The following MMP9 variants were observed in gnomAD, a reference collection of about 807,000 sequenced individuals.
MMP9 encodes matrix metalloproteinase-9.
In MMP9, 73 loss-of-function variants were observed where a neutral mutation model predicts 76.4. The ratio of observed to expected loss-of-function variants is 0.96; its 90% CI spans 0.79 to 1.16. The LOEUF (loss-of-function observed/expected upper bound fraction) is 1.16. MMP9 is among the 50% of genes most tolerant of loss of function. MMP9 has a pLI of 0.00. For synonymous variants in MMP9, 412 were observed against 408.4 expected, an observed-to-expected ratio of 1.01 and a Z score of -0.11; for missense variants, 943 against 973.0, an observed-to-expected ratio of 0.97 and a Z score of 0.41.
chr20:46,009,807 C>G (rs41504450), intron 1 of MMP9, 59 bp from the exon 2 acceptor site: 2 of 1,466,606 alleles, frequency 1.4e-6, no homozygotes, highest in Non-Finnish European at 1.9e-6. Context: ...GTCCTTTGGC[C>G]CCAGCTGGGC....
Position 46,012,162 on chromosome 20 carries a change from C to T in MMP9, c.1023C>T (p.Asn341=). The stretch of plus-strand genomic sequence containing the variant: ...CTGACTCGACGGTGATGGGGGGCAA[C>T]TCGGCGGGGGAGCTGTGCGTCTTCC... ...TRADSTVMGG[N]SAGELCVFPF... is the part of the protein sequence containing the mutation. The change falls in exon 7 of 13, where the codon AAC becomes AAT. Residue 341 remains asparagine, a synonymous_variant. Coordinates refer to ENST00000372330, the MANE Select transcript of MMP9 (RefSeq NM_004994.3). 1 of 1,614,138 alleles carries T rather than the reference C, an allele frequency of 6.2e-7. No homozygotes were observed. Among genetic ancestry groups the T allele is most frequent in the African/African-American group, 1.3e-5 (1 of 75,070 alleles).
At chr20:46,012,038 C>A in intron 6 of MMP9, 99 bp from the exon 7 acceptor site, 1 of 1,494,374 alleles carries the variant, frequency 6.7e-7, no homozygotes, top group East Asian at 2.3e-5. Context: ...CTACAGCGCC[C>A]CCTAGGCCAC....
rs371768001 is a variant in MMP9, at chr20:46,012,522, C to G, written c.1270C>G (p.Arg424Gly). The G allele has an allele frequency of 4.3e-6, 7 of 1,613,978 alleles. No homozygotes were observed. Among genetic ancestry groups the G allele is most frequent in the Non-Finnish European group, 8.5e-7 (1 of 1,179,862 alleles). Reference protein sequence around the residue: ...VPEALMYPMYRFTEGPPLHKD... With the variant: ...VPEALMYPMYGFTEGPPLHKD... ...GGAGGCGCTCATGTACCCTATGTAC[C>G]GCTTCACTGAGGGGCCCCCCTTGCA... The change falls in exon 8 of 13, where the codon CGC (arginine) becomes GGC (glycine). Residue 424 changes from arginine (R) to glycine (G), a missense_variant. Arg to Gly is a moderately radical substitution (Grantham distance 125). Transcript: ENST00000372330.
chr20:46,010,843 C>A, intron 3 of MMP9, 79 bp from the exon 4 acceptor site: 1 of 1,611,514 alleles, frequency 6.2e-7, no homozygotes, highest in Non-Finnish European at 8.5e-7. Flanking sequence ...GCACTTATTT[C>A]GGAGCCCTTG....
rs752904299 is a variant in MMP9, at chr20:46,016,506, C to T, written c.*138C>T. The T allele has an allele frequency of 1.2e-5, 9 of 738,602 alleles. No homozygotes were observed. Among genetic ancestry groups the T allele is most frequent in the Non-Finnish European group, 1.9e-5 (8 of 411,200 alleles). 45.8% of individuals were successfully genotyped at this position (738,602 alleles called of 1,614,324 possible). ...GTGGAGGTGGGCTGGGCCCTCTCTTCTCACCTTTGTTTTTTGTTGGAGTGT... is the reference window on the plus strand; with the variant it reads ...GTGGAGGTGGGCTGGGCCCTCTCTTTTCACCTTTGTTTTTTGTTGGAGTGT... On this transcript the variant is annotated 3_prime_UTR_variant, in exon 13 of 13. Transcript: ENST00000372330.
At chr20:46,012,662 T>TG in intron 8 of MMP9, 80 bp downstream of exon 8, 21 of 1,268,958 alleles carry the variant, frequency 1.7e-5, no homozygotes, top group East Asian at 8.6e-5. Context: ...GGGTTGGGGA[T>TG]CGGGGGAGGA....
chr20:46,010,740 C>A, intron 3 of MMP9, 109 bp downstream of exon 3: 1 of 1,541,096 alleles, frequency 6.5e-7, no homozygotes, highest in Non-Finnish European at 8.8e-7. Flanking sequence ...TGCCTGCCCG[C>A]GCTGCCCTGG....
intron 11 of MMP9, 25 bp downstream of exon 11, chr20:46,014,299 AG>A: frequency 3.3e-6 from 5 of 1,533,196 alleles, no homozygotes; most frequent in Non-Finnish European, 2.6e-6. Flanking sequence ...GGCCGCCGGC[AG>A]GGGGAGCCCG....
Position 46,009,808 on chromosome 20 carries a change from C to T in MMP9, c.139-58C>T, listed in dbSNP as rs140004798. The T allele has an allele frequency of 7.8e-5, 115 of 1,472,090 alleles. No homozygotes were observed. The African/African-American group carries it at 1.5e-3, about 19-fold the overall frequency. 91.2% of individuals were successfully genotyped at this position (1,472,090 alleles called of 1,614,324 possible). The stretch of plus-strand genomic sequence containing the variant: ...AGTGTCTGGAGGGAGTCCTTTGGCC[C>T]CAGCTGGGCAGAGAAAGGGGTCAGA... On this transcript the variant is annotated intron_variant, in intron 1 of 12. Coordinates refer to ENST00000372330, the MANE Select transcript of MMP9 (RefSeq NM_004994.3).
rs368234910 is a variant in MMP9 at position 46,013,464 on chromosome 20, G to A, written c.1540G>A (p.Asp514Asn). ...ATTVPLSPVDDACNVNIFDAI... is the reference protein window; with the variant it reads ...ATTVPLSPVDNACNVNIFDAI... ...TACTGTGCCTTTGAGTCCGGTGGACGATGCCTGCAACGTGAACATCTTCGA... is the reference window on the plus strand; with the variant it reads ...TACTGTGCCTTTGAGTCCGGTGGACAATGCCTGCAACGTGAACATCTTCGA... Residue 514 changes from aspartate (D) to asparagine (N), a missense_variant, in exon 9 of 13, where the codon GAT becomes AAT. Coordinates refer to ENST00000372330, the MANE Select transcript of MMP9 (RefSeq NM_004994.3). This position sits in a 1 kb window ranked among gnomAD's most constrained non-coding sequence, Gnocchi z 4.5. 3 of 1,614,088 alleles carry A rather than the reference G, an allele frequency of 1.9e-6. No homozygotes were observed. The highest frequency in any genetic ancestry group is 2.7e-5 in the African/African-American group (2 of 75,022).
At chr20:46,012,656 T>TGGGGTTTGGGGGGTG in intron 8 of MMP9, 74 bp downstream of exon 8, 1 of 969,064 alleles carries the variant, frequency 1.0e-6, no homozygotes, top group African/African-American at 1.9e-5. Flanking sequence ...AATTGGGGGT[T>TGGGGTTTGGGGGGTG]GGGGATCGGG....
chr20:46,010,728 C>A (rs1040940045), intron 3 of MMP9, 97 bp downstream of exon 3: 1 of 1,543,904 alleles, frequency 6.5e-7, no homozygotes, highest in East Asian at 2.4e-5. Flanking sequence ...CCGGCTTCCT[C>A]TTGCCTGCCC....
In MMP9 at chr20:46,013,334, C is replaced by A. The variant is rs2084296435; in HGVS notation, c.1410C>A (p.Thr470=). The change falls in exon 9 of 13, where the codon ACC becomes ACA. Residue 470 remains threonine (T), a synonymous_variant. Coordinates refer to ENST00000372330, the MANE Select transcript of MMP9 (RefSeq NM_004994.3). This position sits in a 1 kb window ranked among gnomAD's most constrained non-coding sequence, Gnocchi z 4.5. ...CGGCTCCCCCGACGGTCTGCCCCAC[C>A]GGACCCCCCACTGTCCACCCCTCAG... ...QPTAPPTVCP[T]GPPTVHPSER... is the part of the protein sequence containing the mutation. 2 of 1,613,450 alleles carry A rather than the reference C, an allele frequency of 1.2e-6. No homozygotes were observed. The highest frequency in any genetic ancestry group is 8.5e-7 in the Non-Finnish European group (1 of 1,179,754).
In MMP9 at chr20:46,011,741, A is replaced by AC; in HGVS notation, c.994dup (p.Arg332ProfsTer3). ...GGACAAGCTCTTCGGCTTCTGCCCG[A>AC]CCCGAGGTACCTCCACCCTGTCTAC... On this transcript the variant is annotated frameshift_variant, in exon 6 of 13. Transcript: ENST00000372330. LOFTEE classifies it high-confidence loss of function. The AC allele has an allele frequency of 1.2e-6, 2 of 1,610,708 alleles. No individual in the cohort carries two copies. The highest frequency in any genetic ancestry group is 1.7e-6 in the Non-Finnish European group (2 of 1,179,626).
chr20:46,014,003 G>A, intron 10 of MMP9, 121 bp from the exon 11 acceptor site: 3 of 1,474,706 alleles, frequency 2.0e-6, no homozygotes, highest in Non-Finnish European at 2.7e-6. Context: ...CTCTGCCCCT[G>A]GGTTGCAGGG....
At chr20:46,011,818 T>A in intron 6 of MMP9, 71 bp downstream of exon 6, 1 of 1,523,570 alleles carries the variant, frequency 6.6e-7, no homozygotes, top group Non-Finnish European at 8.8e-7. Context: ...ACGCGGCTCT[T>A]CCCTCCCATC....
rs1478981807 is a variant in MMP9, at chr20:46,013,722, A to G, written c.1676A>G (p.Lys559Arg). ...RPQGPFLIADKWPALPRKLDS... is the reference protein window; with the variant it reads ...RPQGPFLIADRWPALPRKLDS... ...CAGGGCCCCTTCCTTATCGCCGACA[A>G]GTGGCCCGCGCTGCCCCGCAAGCTG... The change falls in exon 10 of 13, where the codon AAG becomes AGG. Residue 559 changes from lysine to arginine, a missense_variant. Physicochemically the swap from Lys to Arg is conservative, Grantham distance 26 (BLOSUM62 2). Transcript: ENST00000372330. This position sits in a 1 kb window ranked among gnomAD's most constrained non-coding sequence, Gnocchi z 4.5. 1 of 1,613,672 alleles carries G rather than the reference A, an allele frequency of 6.2e-7. No homozygotes were observed. The highest frequency in any genetic ancestry group is 8.5e-7 in the Non-Finnish European group (1 of 1,179,924).
intron 12 of MMP9, chr20:46,014,707 G>T: frequency 1.7e-6 from 1 of 592,286 alleles, no homozygotes; most frequent in Non-Finnish European, 3.0e-6. Context: ...TTCTCCTTCA[G>T]TACAGGACGG....
At position 46,016,556 on chromosome 20, in the gene MMP9, C is replaced by G; in HGVS notation, c.*188C>G. On this transcript the variant is annotated 3_prime_UTR_variant, in exon 13 of 13. Coordinates refer to ENST00000372330, the MANE Select transcript of MMP9 (RefSeq NM_004994.3). Reference sequence around the variant, plus strand: ...TTTCTAATAAACTTGGATTCTCTAACCTTTAGAAGCAGACTTTATTTATAT... The same window carrying G: ...TTTCTAATAAACTTGGATTCTCTAAGCTTTAGAAGCAGACTTTATTTATAT... The G allele has an allele frequency of 1.6e-6, 1 of 613,722 alleles. No individual in the cohort carries two copies. Among genetic ancestry groups the G allele is most frequent in the Admixed American group, 2.6e-5 (1 of 38,804 alleles). 38.0% of individuals were successfully genotyped at this position (613,722 alleles called of 1,614,324 possible).
Sources: gnomAD v4.1 joint callset for allele counts on GRCh38, gnomAD v4.1.1 for gene constraint, Gnocchi (gnomAD v3.1) non-coding constraint, MANE v1.5 for transcripts, NCBI Gene and HGNC (gene_info 2026-07-23, HGNC 2026-07-21) for gene names.